The following TESC variants were observed in gnomAD, a reference collection of about 807,000 sequenced individuals.
TESC encodes the protein calcineurin B homologous protein 3.
In TESC, 19 loss-of-function variants were observed where a neutral mutation model predicts 31.0. The ratio of observed to expected loss-of-function variants is 0.61; its 90% CI spans 0.43 to 0.90. The LOEUF (loss-of-function observed/expected upper bound fraction) is 0.90, where lower values mean the gene tolerates loss of function less well. Among genes scored for constraint, TESC ranks in the 40% least tolerant of loss-of-function variants. The pLI is 0.00. For missense variants in TESC, 248 were observed against 303.8 expected (o/e 0.82, Z 1.36); for synonymous variants, 109 against 114.8 (o/e 0.95, Z 0.32).
rs1005825402 is a variant in TESC at position 117,099,214 on chromosome 12, CG to C, written c.58+10del. On this transcript the variant is annotated intron_variant, in intron 1 of 7. Transcript: ENST00000335209. ...GCCCCGGTCCCCGCGCCGCCCCCCG[CG>C]GGTACTCACAGCCGGTCTTGCCCTC... 17 of 1,481,874 alleles carry C rather than the reference CG, an allele frequency of 1.1e-5. No homozygotes were observed. The highest frequency in any genetic ancestry group is 1.3e-5 in the Non-Finnish European group (15 of 1,123,782). The allele number at this position is 1,481,874 out of a possible 1,614,324, so 91.8% of individuals were successfully genotyped here. A position where few individuals can be genotyped will look rare whatever the true frequency, so the allele number is the denominator to read the frequency against.
At chr12:117,043,635 T>A (rs1181211157) in intron 6 of TESC, among the ~76,000 whole-genome samples, 1 of 152,158 alleles carries the variant, frequency 6.6e-6, no homozygotes, top group Non-Finnish European at 1.5e-5. Flanking sequence ...GCTAATTTTT[T>A]AAATTTTTTA....
chr12:117,053,072 C>T (rs1954671103), intron 3 of TESC, among the ~76,000 whole-genome samples: 1 of 152,188 alleles, frequency 6.6e-6, no homozygotes, highest in Non-Finnish European at 1.5e-5. Context: ...CCCACAGGCC[C>T]GTCGCGCCTG....
Position 117,049,113 on chromosome 12 carries a change from G to A in TESC, c.255C>T (p.Phe85=), listed in dbSNP as rs570252037. 19 of 1,614,234 alleles carry A rather than the reference G, an allele frequency of 1.2e-5. No individual in the cohort carries two copies. Among genetic ancestry groups the A allele is most frequent in the Admixed American group, 1.0e-4 (6 of 60,032 alleles). ...GPSGLADEIN[F]EDFLTIMSYF... is the part of the protein sequence containing the mutation. ...AGGACATGATGGTCAGGAAGTCCTC[G>A]AAATTGATCTCATCAGCCAGGCCAC... The change falls in exon 4 of 8, where the codon TTC becomes TTT. Residue 85 remains phenylalanine, a synonymous_variant. Coordinates refer to ENST00000335209, the MANE Select transcript of TESC (RefSeq NM_017899.4).
intron 1 of TESC, among the ~76,000 whole-genome samples, chr12:117,086,220 T>C (rs2135798228): frequency 6.6e-6 from 1 of 152,274 alleles, no homozygotes; most frequent in African/African-American, 2.4e-5. Context: ...ACGGTGATGT[T>C]TTCAAATCAT....
chr12:117,066,522 C>T (rs541784471), intron 2 of TESC, among the ~76,000 whole-genome samples: 4 of 152,140 alleles, frequency 2.6e-5, no homozygotes, highest in South Asian at 2.1e-4. Context: ...CAGGCACCCA[C>T]CACCACGCCT....
intron 4 of TESC, among the ~76,000 whole-genome samples, chr12:117,047,843 C>A (rs1954589911): frequency 6.6e-6 from 1 of 152,128 alleles, no homozygotes; most frequent in Non-Finnish European, 1.5e-5. Flanking sequence ...TGGGCTCAAA[C>A]TACCCTCCCA....
chr12:117,084,973 C>G (rs1345036007), intron 1 of TESC, among the ~76,000 whole-genome samples: 2 of 152,198 alleles, frequency 1.3e-5, no homozygotes, highest in Non-Finnish European at 2.9e-5. Flanking sequence ...AAAGCAGATG[C>G]AAAAAGCGCA....
intron 2 of TESC, among the ~76,000 whole-genome samples, chr12:117,068,826 G>T (rs1954922681): frequency 6.6e-6 from 1 of 152,162 alleles, no homozygotes; most frequent in African/African-American, 2.4e-5. Flanking sequence ...GTATTCCATA[G>T]CGTCTATTTC....
chr12:117,044,511 C>T (rs973320716), intron 6 of TESC, among the ~76,000 whole-genome samples: 4 of 152,106 alleles, frequency 2.6e-5, no homozygotes, highest in Non-Finnish European at 4.4e-5. Flanking sequence ...GGAAGGAGGG[C>T]GGGGAGTTGG....
chr12:117,075,851 A>G (rs1002333679), intron 1 of TESC, among the ~76,000 whole-genome samples: 4,247 of 53,332 alleles, frequency 0.08, 355 homozygotes, highest in African/African-American at 0.25. Flanking sequence ...GTGTGTGTAT[A>G]TATATATATA....
chr12:117,085,913 A>C (rs148858101), intron 1 of TESC, among the ~76,000 whole-genome samples: 294 of 152,300 alleles, frequency 1.9e-3, no homozygotes, highest in Non-Finnish European at 3.0e-3. Context: ...CATGGCAACT[A>C]CTCAATGTCC....
intron 3 of TESC, among the ~76,000 whole-genome samples, chr12:117,052,035 G>A (rs940897410): frequency 2.6e-5 from 4 of 152,064 alleles, no homozygotes; most frequent in Admixed American, 1.3e-4. Flanking sequence ...TAGCCTCCTG[G>A]AGTAGCTGGG....
At chr12:117,069,507 G>A (rs529478292) in intron 2 of TESC, among the ~76,000 whole-genome samples, 14 of 151,940 alleles carry the variant, frequency 9.2e-5, no homozygotes, top group South Asian at 4.2e-4. Context: ...TCAAAGTGCT[G>A]GGATTACAGA....
At chr12:117,088,533 T>C (rs1421588120) in intron 1 of TESC, among the ~76,000 whole-genome samples, 1 of 152,028 alleles carries the variant, frequency 6.6e-6, no homozygotes, top group Non-Finnish European at 1.5e-5. Flanking sequence ...ATACAAAAAT[T>C]AGCTGGGCGT....
intron 1 of TESC, among the ~76,000 whole-genome samples, chr12:117,077,359 T>C (rs1955087921): frequency 6.6e-6 from 1 of 152,206 alleles, no homozygotes; most frequent in Non-Finnish European, 1.5e-5. Context: ...AATATGGCCA[T>C]TTAGATCATA....
intron 2 of TESC, among the ~76,000 whole-genome samples, chr12:117,068,195 A>G (rs1392960761): frequency 6.6e-6 from 1 of 151,540 alleles, no homozygotes; most frequent in Admixed American, 6.6e-5. Context: ...CACTGGGCCA[A>G]TCTTGTGGTA....
intron 3 of TESC, among the ~76,000 whole-genome samples, chr12:117,051,587 G>T (rs1007355397): frequency 2.0e-5 from 3 of 152,170 alleles, no homozygotes; most frequent in African/African-American, 4.8e-5. Flanking sequence ...ATAGCCCCCG[G>T]ACTTATCGGG....
At chr12:117,052,432 C>T (rs974023213) in intron 3 of TESC, among the ~76,000 whole-genome samples, 1 of 152,216 alleles carries the variant, frequency 6.6e-6, no homozygotes, top group African/African-American at 2.4e-5. Context: ...TAGTTACAGG[C>T]TCCCAGCTGT....
At chr12:117,084,462 G>T (rs780743425) in intron 1 of TESC, among the ~76,000 whole-genome samples, 2 of 152,198 alleles carry the variant, frequency 1.3e-5, no homozygotes, top group Non-Finnish European at 1.5e-5. Context: ...GCAGAAATCC[G>T]CTGGGTTAAA....
Sources: allele counts gnomAD v4.1 joint callset (sites outside exome capture counted in the v4.1 genomes callset), GRCh38; gene constraint gnomAD v4.1.1; transcripts MANE v1.5; gene names NCBI Gene and HGNC (gene_info 2026-07-23, HGNC 2026-07-21).